Variants in ANAPC11 observed in about 807,000 individuals in gnomAD.
ANAPC11 encodes anaphase-promoting complex subunit 11.
A neutral mutation model predicts 11.8 loss-of-function variants in ANAPC11; 5 were observed. The ratio of observed to expected loss-of-function variants is 0.42; its 90% confidence interval spans 0.22 to 0.89. ANAPC11 has a LOEUF of 0.89. Among genes scored for constraint, ANAPC11 ranks in the 40% least tolerant of loss-of-function variants. The probability of loss-of-function intolerance (pLI) is 0.28; values close to 1 mark genes in which losing one functional copy is unlikely to be tolerated. For synonymous variants in ANAPC11, 45 were observed against 41.0 expected, an observed-to-expected ratio of 1.10 and a Z score of -0.38; for missense variants, 68 against 112.9, an observed-to-expected ratio of 0.60 and a Z score of 1.80.
At chr17:81,891,917 C>T (rs1423466293) in intron 1 of ANAPC11, 76 bp downstream of exon 1, 2 of 179,688 alleles carry the variant, frequency 1.1e-5, no homozygotes, top group African/African-American at 4.8e-5. Context: ...GCCTACGCGC[C>T]CCTCCCTCCC....
At chr17:81,891,608 G>C, upstream of ANAPC11, 1 of 1,376,312 alleles carries the variant, frequency 7.3e-7, no homozygotes, top group Non-Finnish European at 9.5e-7. Context: ...TCAGCACGCC[G>C]GCACGTCACT....
At chr17:81,891,269 C>A, upstream of ANAPC11, 1 of 1,100,114 alleles carries the variant, frequency 9.1e-7, no homozygotes, top group Non-Finnish European at 1.1e-6. Flanking sequence ...GGCCCCGGCC[C>A]CAGCCCCGGC....
chr17:81,896,869 A>G (rs981081782), intron 3 of ANAPC11, among the ~76,000 whole-genome samples: 13 of 121,514 alleles, frequency 1.1e-4, no homozygotes, highest in African/African-American at 4.0e-4. Context: ...CTGGAGTGCA[A>G]TGGCACCATC....
At chr17:81,895,579 G>C (rs907634357) in intron 3 of ANAPC11, among the ~76,000 whole-genome samples, 1 of 152,182 alleles carries the variant, frequency 6.6e-6, no homozygotes, top group Non-Finnish European at 1.5e-5. Context: ...GGGAGGCCGA[G>C]GCGGGCGGAT....
upstream of ANAPC11, chr17:81,891,649 C>T: frequency 7.8e-7 from 1 of 1,286,028 alleles, no homozygotes. Flanking sequence ...TCCGGTGCCA[C>T]GGCCTCGGAG....
At chr17:81,894,808 C>G in intron 3 of ANAPC11, 2 of 422,796 alleles carry the variant, frequency 4.7e-6, no homozygotes, top group East Asian at 3.6e-5. Flanking sequence ...ACCTCTGCCT[C>G]CCGGGTTCAA....
chr17:81,892,548 A>G (rs1348264725), intron 1 of ANAPC11, among the ~76,000 whole-genome samples: 1 of 132,472 alleles, frequency 7.5e-6, no homozygotes, highest in African/African-American at 3.2e-5. Context: ...TTTTTGAGGC[A>G]GTCTCATTCT....
upstream of ANAPC11, chr17:81,890,936 G>T (rs903822121): frequency 1.8e-4 from 261 of 1,474,162 alleles, 1 homozygote; most frequent in Non-Finnish European, 2.3e-4. Context: ...CGGCCGAAAC[G>T]GGGCCGCCAG....
At chr17:81,891,281 G>A, upstream of ANAPC11, 1 of 1,111,744 alleles carries the variant, frequency 9.0e-7, no homozygotes. Flanking sequence ...AGCCCCGGCT[G>A]GCCCCCTCCC....
chr17:81,896,678 C>T (rs139430768), intron 3 of ANAPC11, among the ~76,000 whole-genome samples: 1 of 152,012 alleles, frequency 6.6e-6, no homozygotes, highest in African/African-American at 2.4e-5. Context: ...AGGTGCATGC[C>T]CATATTGATT....
rs2039890215 is a variant in ANAPC11, at chr17:81,900,052, A to C, written c.242A>C (p.Lys81Thr). 1 of 1,612,698 alleles carries C rather than the reference A, an allele frequency of 6.2e-7. No individual in the cohort carries two copies. Among genetic ancestry groups the C allele is most frequent in the African/African-American group, 1.3e-5 (1 of 75,064 alleles). The change falls in exon 4 of 4, where the codon AAG (lysine) becomes ACG (threonine). Residue 81 changes from lysine to threonine, a missense_variant. By Grantham distance (78) the Lys-to-Thr change is moderately conservative (BLOSUM62 -1). Coordinates refer to ENST00000344877, the MANE Select transcript of ANAPC11 (RefSeq NM_001002248.3). ...TGCCCCATGTGCCGCCAGGAATGGA[A>C]GTTCAAGGAGTGAGGCCCGACCTGG... ...QHCPMCRQEW[K>T]FKE
chr17:81,896,200 CA>C (rs2039736400), intron 3 of ANAPC11, among the ~76,000 whole-genome samples: 1 of 151,928 alleles, frequency 6.6e-6, no homozygotes, highest in African/African-American at 2.4e-5. Context: ...GTGGATGGAT[CA>C]CCTGAGGTCA....
At chr17:81,896,918 A>G (rs1462801356) in intron 3 of ANAPC11, among the ~76,000 whole-genome samples, 1 of 143,180 alleles carries the variant, frequency 7.0e-6, no homozygotes, top group African/African-American at 2.6e-5. Context: ...AGTTCAAAGG[A>G]TTCTCCGGCC....
intron 2 of ANAPC11, among the ~76,000 whole-genome samples, chr17:81,893,844 G>A (rs1262029276): frequency 1.4e-5 from 2 of 141,588 alleles, no homozygotes; most frequent in Non-Finnish European, 3.0e-5. Flanking sequence ...CGATCCTCCC[G>A]AGTTGGCCTC....
At chr17:81,894,445 C>A in intron 2 of ANAPC11, 22 bp from the exon 3 acceptor site, 1 of 1,459,264 alleles carries the variant, frequency 6.9e-7, no homozygotes, top group South Asian at 1.2e-5. Context: ...TTTAGCCAGT[C>A]GTCCTGTTCC....
At chr17:81,895,678 A>G (rs2039718249) in intron 3 of ANAPC11, among the ~76,000 whole-genome samples, 2 of 152,052 alleles carry the variant, frequency 1.3e-5, no homozygotes. Context: ...TCACAGGGTC[A>G]AGAGATCAAG....
At chr17:81,890,979 G>A (rs1301342161), upstream of ANAPC11, 5 of 1,108,462 alleles carry the variant, frequency 4.5e-6, no homozygotes, top group Non-Finnish European at 2.5e-6. Context: ...GCCCCAGCCC[G>A]AGGCCGCACG....
chr17:81,895,388 A>C (rs528463228), intron 3 of ANAPC11, among the ~76,000 whole-genome samples: 117 of 152,290 alleles, frequency 7.7e-4, no homozygotes, highest in African/African-American at 2.8e-3. Flanking sequence ...AAAAGTTGAT[A>C]GAAAAAAAGC....
intron 2 of ANAPC11, 135 bp from the exon 3 acceptor site, chr17:81,894,332 G>T (rs144660827): frequency 3.9e-5 from 17 of 438,626 alleles, no homozygotes; most frequent in Middle Eastern, 6.9e-4. Context: ...GGACTCCTGG[G>T]CCGGTATGAT....
Sources: allele counts gnomAD v4.1 joint callset (sites outside exome capture counted in the v4.1 genomes callset), GRCh38; gene constraint gnomAD v4.1.1; transcripts MANE v1.5; gene names NCBI Gene and HGNC (gene_info 2026-07-23, HGNC 2026-07-21).